Variants in VWC2L observed in about 807,000 individuals in gnomAD.
VWC2L encodes the protein von Willebrand factor C domain containing 2 like.
VWC2L carries 10 observed loss-of-function variants against 21.6 expected under a neutral mutation model. The observed-to-expected ratio is 0.46, with a 90% CI of 0.29 to 0.78. The LOEUF is 0.78. Among genes scored for constraint, VWC2L ranks in the 30% least tolerant of loss-of-function variants. VWC2L has a pLI of 0.10. For missense variants in VWC2L, 209 were observed against 277.1 expected (o/e 0.75, Z 1.74); for synonymous variants, 96 against 94.3 (o/e 1.02, Z -0.10).
intron 3 of VWC2L, among the ~76,000 whole-genome samples, chr2:214,496,644 C>A (rs1290757826): frequency 6.6e-6 from 1 of 152,164 alleles, no homozygotes; most frequent in Admixed American, 6.6e-5. Context: ...AAAGGAAGCA[C>A]AGATTGAAGG....
At chr2:214,456,479 A>G (rs1374588481) in intron 3 of VWC2L, among the ~76,000 whole-genome samples, 1 of 152,116 alleles carries the variant, frequency 6.6e-6, no homozygotes, top group Non-Finnish European at 1.5e-5. Flanking sequence ...CGCCTTTGTC[A>G]GATGAAAAGT....
intron 3 of VWC2L, among the ~76,000 whole-genome samples, chr2:214,565,589 A>G (rs1210522040): frequency 6.6e-6 from 1 of 152,236 alleles, no homozygotes; most frequent in African/African-American, 2.4e-5. Context: ...TGCAAAAACT[A>G]TTCATGACAT....
intron 3 of VWC2L, among the ~76,000 whole-genome samples, chr2:214,550,218 G>T (rs527781478): frequency 6.6e-6 from 1 of 152,106 alleles, no homozygotes; most frequent in South Asian, 2.1e-4. Flanking sequence ...TGAAAACTTG[G>T]GTATATTCTA....
intron 3 of VWC2L, among the ~76,000 whole-genome samples, chr2:214,463,255 T>G (rs958631615): frequency 1.3e-5 from 2 of 152,202 alleles, no homozygotes; most frequent in African/African-American, 4.8e-5. Flanking sequence ...AACAGTTTTA[T>G]TAACTTTTGC....
chr2:214,548,276 G>A (rs1689740673), intron 3 of VWC2L, among the ~76,000 whole-genome samples: 1 of 151,980 alleles, frequency 6.6e-6, no homozygotes, highest in South Asian at 2.1e-4. Context: ...ACAACACAAG[G>A]CATGCAATTT....
chr2:214,445,434 AG>A (rs945027381), intron 3 of VWC2L, among the ~76,000 whole-genome samples: 16 of 151,912 alleles, frequency 1.1e-4, no homozygotes, highest in African/African-American at 3.9e-4. Flanking sequence ...AGAAAAAAAA[AG>A]CATTTCCCTC....
chr2:214,486,926 A>G (rs1409252522), intron 3 of VWC2L, among the ~76,000 whole-genome samples: 1 of 152,236 alleles, frequency 6.6e-6, no homozygotes, highest in African/African-American at 2.4e-5. Flanking sequence ...TGACGTTCTC[A>G]TTCCCAGCAT....
At chr2:214,571,883 C>T (rs1007662303) in intron 3 of VWC2L, among the ~76,000 whole-genome samples, 1 of 152,012 alleles carries the variant, frequency 6.6e-6, no homozygotes, top group Non-Finnish European at 1.5e-5. Flanking sequence ...ACCTCCTGGG[C>T]TCAAGCAATT....
intron 3 of VWC2L, among the ~76,000 whole-genome samples, chr2:214,567,547 T>TACACACAC (rs71409879): frequency 8.3e-5 from 10 of 119,956 alleles, no homozygotes; most frequent in African/African-American, 3.4e-4. Flanking sequence ...TTCATCCACA[T>TACACACAC]ACACACACAC....
chr2:214,569,259 C>T (rs1231768965), intron 3 of VWC2L, among the ~76,000 whole-genome samples: 1 of 152,082 alleles, frequency 6.6e-6, no homozygotes, highest in African/African-American at 2.4e-5. Context: ...CATGAGTGCT[C>T]TGTGGACCAA....
chr2:214,548,541 C>T (rs1689745130), intron 3 of VWC2L, among the ~76,000 whole-genome samples: 1 of 152,156 alleles, frequency 6.6e-6, no homozygotes, highest in African/African-American at 2.4e-5. Flanking sequence ...GATTGAGGTA[C>T]CATTCTGAGA....
chr2:214,531,565 G>A (rs1361398665), intron 3 of VWC2L, among the ~76,000 whole-genome samples: 1 of 152,014 alleles, frequency 6.6e-6, no homozygotes, highest in African/African-American at 2.4e-5. Context: ...TTTCAGGGAG[G>A]GTAAGCTCTT....
At chr2:214,445,621 A>G (rs1179379067) in intron 3 of VWC2L, among the ~76,000 whole-genome samples, 1 of 151,748 alleles carries the variant, frequency 6.6e-6, no homozygotes, top group East Asian at 1.9e-4. Context: ...AATACTTCAG[A>G]ATATTAGTAC....
intron 3 of VWC2L, among the ~76,000 whole-genome samples, chr2:214,447,387 A>G (rs1702854035): frequency 6.6e-6 from 1 of 152,166 alleles, no homozygotes; most frequent in Admixed American, 6.6e-5. Context: ...GTAACTGCTC[A>G]CACTGAAGGC....
intron 3 of VWC2L, among the ~76,000 whole-genome samples, chr2:214,459,473 T>C (rs755400912): frequency 8.5e-5 from 13 of 152,258 alleles, no homozygotes; most frequent in Admixed American, 5.2e-4. Context: ...TCTTCCCTCT[T>C]ATTGTTCCCA....
intron 3 of VWC2L, among the ~76,000 whole-genome samples, chr2:214,482,928 G>T (rs1328475513): frequency 6.6e-6 from 1 of 152,084 alleles, no homozygotes; most frequent in Non-Finnish European, 1.5e-5. Context: ...AAGACCATTT[G>T]TTCTAAGAGT....
chr2:214,544,963 T>C (rs943289740), intron 3 of VWC2L, among the ~76,000 whole-genome samples: 1 of 152,156 alleles, frequency 6.6e-6, no homozygotes, highest in Non-Finnish European at 1.5e-5. Flanking sequence ...TCTGCTATGT[T>C]GTTTCCCAAT....
intron 3 of VWC2L, among the ~76,000 whole-genome samples, chr2:214,563,496 G>A (rs181617959): frequency 0.014 from 1,971 of 141,556 alleles, 43 homozygotes; most frequent in African/African-American, 0.05. Context: ...GCAATGAGCC[G>A]AGATCCTGCC....
intron 3 of VWC2L, among the ~76,000 whole-genome samples, chr2:214,529,666 A>T (rs867455005): frequency 1.1e-4 from 16 of 152,164 alleles, no homozygotes; most frequent in South Asian, 1.0e-3. Flanking sequence ...CTTTATATCT[A>T]AATTATGAAG....
Sources: allele counts gnomAD v4.1 joint callset (sites outside exome capture counted in the v4.1 genomes callset), GRCh38; gene constraint gnomAD v4.1.1; transcripts MANE v1.5; gene names NCBI Gene and HGNC (gene_info 2026-07-23, HGNC 2026-07-21).